The following ADGRB3 variants were observed in gnomAD, a reference collection of about 807,000 sequenced individuals.
ADGRB3 encodes brain-specific angiogenesis inhibitor 3.
ADGRB3 carries 37 observed loss-of-function variants against 193.4 expected under a neutral mutation model. The ratio of observed to expected loss-of-function variants is 0.19; its 90% confidence interval spans 0.15 to 0.25. The LOEUF is 0.25. Among genes scored for constraint, ADGRB3 ranks in the 10% least tolerant of loss-of-function variants. The probability of loss-of-function intolerance (pLI) is 1.00; values close to 1 mark genes in which losing one functional copy is unlikely to be tolerated. For missense variants in ADGRB3, 1,637 were observed against 1,852.9 expected (o/e 0.88, Z 2.14); for synonymous variants, 690 against 644.2 (o/e 1.07, Z -1.08).
chr6:68,801,829 A>G (rs1432490953), intron 3 of ADGRB3, among the ~76,000 whole-genome samples: 2 of 152,238 alleles, frequency 1.3e-5, no homozygotes, highest in South Asian at 2.1e-4. Context: ...CGTCTCCAGT[A>G]TGTTCCACTA....
chr6:69,137,737 C>G (rs1774195049), intron 17 of ADGRB3, among the ~76,000 whole-genome samples: 1 of 152,104 alleles, frequency 6.6e-6, no homozygotes, highest in South Asian at 2.1e-4. Flanking sequence ...GCTGAGGATG[C>G]AGTGGGCCAA....
At chr6:69,052,151 G>A (rs1323253700) in intron 15 of ADGRB3, among the ~76,000 whole-genome samples, 1 of 152,136 alleles carries the variant, frequency 6.6e-6, no homozygotes, top group Non-Finnish European at 1.5e-5. Flanking sequence ...GCCTCCCAAA[G>A]TGCTGAGATT....
chr6:69,064,039 T>A (rs1053828938), intron 16 of ADGRB3, among the ~76,000 whole-genome samples: 11 of 152,012 alleles, frequency 7.2e-5, no homozygotes, highest in East Asian at 1.9e-4. Context: ...ATATAGTTAG[T>A]GAATGACATA....
At chr6:69,385,947 G>C (rs935402692) in intron 31 of ADGRB3, among the ~76,000 whole-genome samples, 2 of 152,046 alleles carry the variant, frequency 1.3e-5, no homozygotes, top group Admixed American at 1.3e-4. Context: ...ACTCCCTGCA[G>C]ATCTTGTTCC....
intron 20 of ADGRB3, among the ~76,000 whole-genome samples, chr6:69,265,123 G>A (rs940815047): frequency 3.3e-5 from 5 of 151,890 alleles, no homozygotes; most frequent in African/African-American, 1.2e-4. Flanking sequence ...CTGCTCATCA[G>A]AATCGCCCAT....
intron 3 of ADGRB3, among the ~76,000 whole-genome samples, chr6:68,697,674 C>T (rs150402200): frequency 2.0e-5 from 3 of 152,036 alleles, no homozygotes; most frequent in Admixed American, 6.6e-5. Context: ...CACTGTCACT[C>T]ATTTTAATAG....
At chr6:68,676,394 A>T (rs1202761778) in intron 3 of ADGRB3, among the ~76,000 whole-genome samples, 1 of 150,860 alleles carries the variant, frequency 6.6e-6, no homozygotes, top group Non-Finnish European at 1.5e-5. Context: ...TGTCTCAAAA[A>T]AAAAAAAAAA....
intron 20 of ADGRB3, among the ~76,000 whole-genome samples, chr6:69,308,675 G>T (rs1768116886): frequency 6.6e-6 from 1 of 151,542 alleles, no homozygotes; most frequent in Non-Finnish European, 1.5e-5. Flanking sequence ...AAAAATAAAG[G>T]TTTATTTCAT....
intron 3 of ADGRB3, among the ~76,000 whole-genome samples, chr6:68,894,148 G>A (rs939529434): frequency 7.2e-5 from 11 of 151,760 alleles, no homozygotes; most frequent in African/African-American, 2.7e-4. Context: ...TCATCACGTA[G>A]AATTAAGCAT....
chr6:68,981,848 A>ATTTCTTTATTTC, intron 10 of ADGRB3, among the ~76,000 whole-genome samples: 1 of 74,936 alleles, frequency 1.3e-5, no homozygotes, highest in East Asian at 8.0e-4. Context: ...CTATTTTGTT[A>ATTTCTTTATTTC]TTTATTTATT....
At chr6:69,004,544 C>A (rs1203363351) in intron 11 of ADGRB3, among the ~76,000 whole-genome samples, 1 of 150,186 alleles carries the variant, frequency 6.7e-6, no homozygotes, top group African/African-American at 2.5e-5. Flanking sequence ...GGTGTTTCTC[C>A]TAATGCTATC....
At chr6:68,839,085 C>CAG (rs1768100203) in intron 3 of ADGRB3, among the ~76,000 whole-genome samples, 1 of 125,380 alleles carries the variant, frequency 8.0e-6, no homozygotes, top group African/African-American at 4.1e-5. Context: ...CTCTGTCACA[C>CAG]ACACACACAC....
chr6:69,104,184 C>A (rs1346640065), intron 17 of ADGRB3, among the ~76,000 whole-genome samples: 1 of 127,646 alleles, frequency 7.8e-6, no homozygotes, highest in East Asian at 2.7e-4. Context: ...TATCCCTCCC[C>A]CCTCCCCCGA....
intron 3 of ADGRB3, among the ~76,000 whole-genome samples, chr6:68,887,539 G>C (rs894151922): frequency 6.6e-6 from 1 of 152,050 alleles, no homozygotes; most frequent in Non-Finnish European, 1.5e-5. Context: ...TAAAATAGTG[G>C]AGTTTCTTAC....
At chr6:69,284,916 A>C (rs1767516201) in intron 20 of ADGRB3, among the ~76,000 whole-genome samples, 1 of 152,212 alleles carries the variant, frequency 6.6e-6, no homozygotes. Flanking sequence ...AATAAAATAA[A>C]GTTTGGATTT....
intron 3 of ADGRB3, among the ~76,000 whole-genome samples, chr6:68,676,963 T>C (rs560745173): frequency 1.3e-5 from 2 of 152,326 alleles, no homozygotes; most frequent in Admixed American, 1.3e-4. Flanking sequence ...TAAAACACAG[T>C]TACTCAGGAG....
At position 69,360,934 on chromosome 6, in the gene ADGRB3, C is replaced by G; in HGVS notation, c.3661C>G (p.Leu1221Val). 6.2e-7 allele frequency: 1 copy of G among 1,612,468 alleles called. No homozygotes were observed. The highest frequency in any genetic ancestry group is 8.5e-7 in the Non-Finnish European group (1 of 1,179,008). Residue 1221 changes from leucine (L) to valine (V), a missense_variant, in exon 29 of 32, where the codon CTA becomes GTA. Coordinates refer to ENST00000370598, the MANE Select transcript of ADGRB3 (RefSeq NM_001704.3). The part of the protein sequence containing the change: ...TITGTLSRIS[L>V]NDDEEEKGTN... ...AACAGGAACACTTTCTAGGATTTCT[C>G]TAAATGATGATGAAGAAGAAAAGGG...
At chr6:69,301,681 TA>T (rs1184861827) in intron 20 of ADGRB3, among the ~76,000 whole-genome samples, 1 of 151,974 alleles carries the variant, frequency 6.6e-6, no homozygotes, top group Non-Finnish European at 1.5e-5. Flanking sequence ...TTGAGGTCTG[TA>T]ACTGTGGTTG....
At chr6:69,315,865 T>C (rs1164513945) in intron 20 of ADGRB3, among the ~76,000 whole-genome samples, 2 of 151,474 alleles carry the variant, frequency 1.3e-5, no homozygotes, top group Non-Finnish European at 3.0e-5. Context: ...GAAATGTTAC[T>C]ATAATTGCAA....
Sources: gnomAD v4.1 joint callset for allele counts (sites outside exome capture counted in the v4.1 genomes callset) on GRCh38, gnomAD v4.1.1 for gene constraint, MANE v1.5 for transcripts, NCBI Gene and HGNC (gene_info 2026-07-23, HGNC 2026-07-21) for gene names.